ROBO2: variants seen among roughly 807,000 people sequenced by gnomAD.
ROBO2 encodes roundabout guidance receptor 2.
In ROBO2, 53 loss-of-function variants were observed where a neutral mutation model predicts 160.8. The ratio of observed to expected loss-of-function variants is 0.33; its 90% CI spans 0.26 to 0.41. The LOEUF (loss-of-function observed/expected upper bound fraction) is 0.41. Among genes scored for constraint, ROBO2 ranks in the 10% least tolerant of loss-of-function variants. ROBO2 has a pLI of 1.00. For missense variants in ROBO2, 1,577 were observed against 1,722.4 expected (o/e 0.92, Z 1.49); for synonymous variants, 664 against 611.7 (o/e 1.09, Z -1.26).
At chr3:76,790,866 C>T (rs1018640435) in intron 2 of ROBO2, among the ~76,000 whole-genome samples, 2 of 151,492 alleles carry the variant, frequency 1.3e-5, no homozygotes, top group Admixed American at 1.3e-4. Context: ...TCTTTTCAGC[C>T]CTATCACTTA....
intron 2 of ROBO2, among the ~76,000 whole-genome samples, chr3:76,478,093 T>C (rs916082492): frequency 6.6e-6 from 1 of 150,802 alleles, no homozygotes. Context: ...TAGTTACATA[T>C]GTATACATGT....
At chr3:75,936,400 C>T (rs552147109) in intron 1 of ROBO2, among the ~76,000 whole-genome samples, 37 of 152,184 alleles carry the variant, frequency 2.4e-4, no homozygotes, top group South Asian at 1.9e-3. Flanking sequence ...TTCTTAACTC[C>T]GTATTTTGTC....
At chr3:75,950,928 A>G (rs1948510623) in intron 2 of ROBO2, among the ~76,000 whole-genome samples, 1 of 152,118 alleles carries the variant, frequency 6.6e-6, no homozygotes, top group Admixed American at 6.6e-5. Context: ...TGAAATCAGT[A>G]GGTAAATAAT....
At chr3:76,909,357 A>G (rs1262972173) in intron 2 of ROBO2, among the ~76,000 whole-genome samples, 2 of 152,210 alleles carry the variant, frequency 1.3e-5, no homozygotes, top group African/African-American at 4.8e-5. Context: ...CAGTGTCAAC[A>G]ATATGCTAGG....
At chr3:77,022,241 A>G (rs7637754) in intron 2 of ROBO2, among the ~76,000 whole-genome samples, 2,592 of 152,238 alleles carry the variant, frequency 0.017, 97 homozygotes, top group African/African-American at 0.058. Context: ...GTGGTGACAA[A>G]CGCCTGTAAT....
At chr3:77,108,277 T>TATATATGTATACACATATGC (rs2073108995) in intron 2 of ROBO2, among the ~76,000 whole-genome samples, 1 of 94,076 alleles carries the variant, frequency 1.1e-5, no homozygotes, top group East Asian at 3.0e-4. Context: ...CATATGCATA[T>TATATATGTATACACATATGC]ATATATATGT....
chr3:76,255,733 C>T (rs1253067351), intron 2 of ROBO2, among the ~76,000 whole-genome samples: 3 of 151,970 alleles, frequency 2.0e-5, no homozygotes, highest in East Asian at 1.9e-4. Flanking sequence ...CTCTTTCTCT[C>T]GGTTTTATAA....
chr3:76,046,551 G>A (rs1371303236), intron 2 of ROBO2, among the ~76,000 whole-genome samples: 1 of 151,910 alleles, frequency 6.6e-6, no homozygotes, highest in Admixed American at 6.5e-5. Flanking sequence ...GGGAGGCTGA[G>A]GCAGGAGAAT....
intron 2 of ROBO2, among the ~76,000 whole-genome samples, chr3:76,689,334 G>A (rs2092750465): frequency 6.6e-6 from 1 of 151,956 alleles, no homozygotes; most frequent in Non-Finnish European, 1.5e-5. Flanking sequence ...ATTTATCAGA[G>A]AAATCACACA....
rs188686221 is a variant in ROBO2 at position 76,955,469 on chromosome 3, A to C, written c.110-142545A>C. 6.4e-4 allele frequency among the ~76,000 whole-genome samples: 97 copies of C among 152,280 alleles called. 1 individual carries two copies. Among genetic ancestry groups the C allele is most frequent in the South Asian group, 3.3e-3 (16 of 4,830 alleles). On this transcript the variant is annotated intron_variant, in intron 2 of 26. Coordinates refer to the ROBO2 transcript ENST00000487694. The stretch of plus-strand genomic sequence containing the variant: ...TTCCACGGTAACTATACCATTTTAC[A>C]TTCTCACGTGGGTTCCAATGTTTCC...
intron 2 of ROBO2, among the ~76,000 whole-genome samples, chr3:76,751,885 G>A (rs1429307450): frequency 2.0e-5 from 3 of 152,116 alleles, no homozygotes; most frequent in African/African-American, 4.8e-5. Flanking sequence ...ACAGTGTGGC[G>A]ATTCCTCAAG....
intron 2 of ROBO2, among the ~76,000 whole-genome samples, chr3:77,475,650 C>T (rs1386695762): frequency 6.6e-6 from 1 of 152,134 alleles, no homozygotes; most frequent in African/African-American, 2.4e-5. Context: ...TGCTCATCAC[C>T]CTGTTACCAT....
At chr3:76,787,478 T>A (rs778523587) in intron 2 of ROBO2, among the ~76,000 whole-genome samples, 1 of 151,132 alleles carries the variant, frequency 6.6e-6, no homozygotes, top group Non-Finnish European at 1.5e-5. Flanking sequence ...AGGTTTAAAT[T>A]TGTTTCTGAA....
At chr3:76,633,816 G>C (rs541445437) in intron 2 of ROBO2, among the ~76,000 whole-genome samples, 1 of 152,332 alleles carries the variant, frequency 6.6e-6, no homozygotes, top group South Asian at 2.1e-4. Context: ...AGAACAACCA[G>C]CTAATAAGTA....
chr3:77,475,010 C>T (rs1206495668), intron 2 of ROBO2, among the ~76,000 whole-genome samples: 1 of 151,732 alleles, frequency 6.6e-6, no homozygotes. Flanking sequence ...ACTCCTTTTT[C>T]TAAAAATAAG....
intron 2 of ROBO2, among the ~76,000 whole-genome samples, chr3:77,422,910 C>A (rs1158401313): frequency 6.6e-6 from 1 of 152,090 alleles, no homozygotes; most frequent in Non-Finnish European, 1.5e-5. Context: ...CACTGGAAAG[C>A]AATCATTTGG....
At chr3:76,322,099 A>G (rs1211452442) in intron 2 of ROBO2, among the ~76,000 whole-genome samples, 1 of 146,850 alleles carries the variant, frequency 6.8e-6, no homozygotes, top group Non-Finnish European at 1.5e-5. Flanking sequence ...TACTTGCCTT[A>G]TATAAAATAT....
Position 77,596,564 on chromosome 3 carries a change from G to A in ROBO2, c.2727-59G>A, listed in dbSNP as rs140811615. 7.6e-5 allele frequency: 121 copies of A among 1,602,566 alleles called. 1 individual carries two copies. In the African/African-American group the frequency reaches 1.0e-3, roughly 14 times the overall value. On this transcript the variant is annotated intron_variant, in intron 18 of 25. Coordinates refer to ENST00000461745, the Ensembl canonical transcript of ROBO2. ...CTTAACGCTTTATATTGCATGAGACGAGTGTCAAAATCTTGCATTGAGCTC... is the reference window on the plus strand; with the variant it reads ...CTTAACGCTTTATATTGCATGAGACAAGTGTCAAAATCTTGCATTGAGCTC...
intron 21 of ROBO2, among the ~76,000 whole-genome samples, chr3:77,613,712 A>T (rs1262217687): frequency 1.3e-5 from 2 of 152,194 alleles, no homozygotes; most frequent in African/African-American, 4.8e-5. Context: ...GTTATATTAG[A>T]TGTAACAAAA....
Sources: gnomAD v4.1 joint callset for allele counts (sites outside exome capture counted in the v4.1 genomes callset) on GRCh38, gnomAD v4.1.1 for gene constraint, MANE v1.5 for transcripts, NCBI Gene and HGNC (gene_info 2026-07-23, HGNC 2026-07-21) for gene names.